CBR4: variants seen among roughly 807,000 people sequenced by gnomAD.
The protein encoded by CBR4 is carbonyl reductase 4.
Under a neutral mutation model 21.0 loss-of-function variants are expected in CBR4, and 22 were observed. The observed-to-expected ratio is 1.05, with a 90% CI of 0.75 to 1.50. CBR4 has a LOEUF of 1.50. CBR4 is among the 40% of genes most tolerant of loss of function. CBR4 has a pLI of 0.00. For synonymous variants in CBR4, 100 were observed against 104.4 expected (o/e 0.96, Z 0.26); for missense variants, 302 against 286.3 (o/e 1.05, Z -0.40).
At chr4:168,895,462 C>A (rs958737722) in intron 2 of CBR4, among the ~76,000 whole-genome samples, 1 of 152,158 alleles carries the variant, frequency 6.6e-6, no homozygotes, top group Non-Finnish European at 1.5e-5. Context: ...TGACCAGAAG[C>A]CTTACTGATA....
chr4:168,987,165 A>T (rs2126796301), downstream of CBR4, among the ~76,000 whole-genome samples: 1 of 152,346 alleles, frequency 6.6e-6, no homozygotes, highest in Non-Finnish European at 1.5e-5. Context: ...CAATTACTCA[A>T]ACTGAAAGCA....
chr4:168,968,975 G>T (rs1043625217), intron 2 of CBR4, among the ~76,000 whole-genome samples: 1 of 152,174 alleles, frequency 6.6e-6, no homozygotes, highest in African/African-American at 2.4e-5. Flanking sequence ...AGTATGTCTA[G>T]GGACACAGTG....
downstream of CBR4, among the ~76,000 whole-genome samples, chr4:168,984,911 T>C (rs1764641907): frequency 6.6e-6 from 1 of 151,980 alleles, no homozygotes; most frequent in African/African-American, 2.4e-5. Context: ...AAAAATCAAC[T>C]CAGGACGCAT....
At chr4:168,975,891 C>G (rs750686813) in intron 2 of CBR4, among the ~76,000 whole-genome samples, 1 of 152,098 alleles carries the variant, frequency 6.6e-6, no homozygotes, top group Non-Finnish European at 1.5e-5. Flanking sequence ...AGTGACAGAC[C>G]TCACCCAACT....
rs28364802 is a variant in CBR4, at chr4:168,926,511, A to AAAT, written n.170-31749_170-31747dup. On this transcript the variant is annotated intron_variant and non_coding_transcript_variant, in intron 2 of 3. Transcript: ENST00000509108. ...ATAAGAAATTAAAAAAAAAACACCA[A>AAAT]AATAATATTTTTCTTACTTGATATA... The AAAT allele has an allele frequency of 1.6e-3, 1,088 of 660,364 alleles. 10 individuals carry two copies. The highest frequency in any genetic ancestry group is 0.016 in the Admixed American group (523 of 32,098). 40.9% of individuals were successfully genotyped at this position (660,364 alleles called of 1,614,324 possible). A position where few individuals can be genotyped will look rare whatever the true frequency, so the allele number is the denominator to read the frequency against.
intron 2 of CBR4, among the ~76,000 whole-genome samples, chr4:168,899,130 C>T (rs1188510243): frequency 2.0e-5 from 3 of 152,150 alleles, no homozygotes; most frequent in Non-Finnish European, 2.9e-5. Flanking sequence ...TAAAAACTTC[C>T]AATCTTTAAT....
chr4:168,916,272 C>T (rs968331227), intron 2 of CBR4, among the ~76,000 whole-genome samples: 6 of 151,982 alleles, frequency 3.9e-5, no homozygotes, highest in South Asian at 2.1e-4. Context: ...GTTAGCCAGG[C>T]GTGGTGGCGT....
At chr4:168,993,212 CTTT>C (rs150721961) in intron 4 of CBR4, among the ~76,000 whole-genome samples, 15 of 139,336 alleles carry the variant, frequency 1.1e-4, no homozygotes, top group East Asian at 2.1e-4. Context: ...ATGTATTTTC[CTTT>C]TTTTTTTTTT....
chr4:168,959,066 T>G (rs1040113788), intron 2 of CBR4, among the ~76,000 whole-genome samples: 1 of 152,170 alleles, frequency 6.6e-6, no homozygotes, highest in Non-Finnish European at 1.5e-5. Flanking sequence ...TTTACCATTT[T>G]TTTTCTGTAT....
chr4:169,006,713 G>C, intron 3 of CBR4, 42 bp downstream of exon 3: 1 of 1,533,850 alleles, frequency 6.5e-7, no homozygotes, highest in Non-Finnish European at 9.0e-7. Context: ...TTATGGTATG[G>C]TATTATGGGA....
chr4:168,903,743 G>C lies in CBR4; in HGVS notation n.170-8978C>G. The C allele has an allele frequency of 1.9e-6, 3 of 1,603,558 alleles. No individual in the cohort carries two copies. The highest frequency in any genetic ancestry group is 1.7e-6 in the Non-Finnish European group (2 of 1,170,788). ...CACAAACTCCTAATCTTTAATCTTT[G>C]TTTCTATTCACAGATCTATTGGTTT... On this transcript the variant is annotated intron_variant and non_coding_transcript_variant, in intron 2 of 3. Transcript: ENST00000509108.
intron 2 of CBR4, among the ~76,000 whole-genome samples, chr4:168,936,856 C>G (rs1291977502): frequency 3.3e-5 from 5 of 152,172 alleles, no homozygotes; most frequent in African/African-American, 7.2e-5. Context: ...AGTTGGAAAA[C>G]ACTCTTCAGG....
At chr4:168,986,191 G>A (rs1764686913), downstream of CBR4, among the ~76,000 whole-genome samples, 1 of 152,156 alleles carries the variant, frequency 6.6e-6, no homozygotes, top group Non-Finnish European at 1.5e-5. Flanking sequence ...GTAATCTAGA[G>A]ATGATGTAAA....
At chr4:168,965,625 A>G (rs2126739428) in intron 2 of CBR4, among the ~76,000 whole-genome samples, 1 of 152,360 alleles carries the variant, frequency 6.6e-6, no homozygotes, top group East Asian at 1.9e-4. Context: ...ATCTTTGACA[A>G]ACCTGACAAA....
At chr4:168,950,872 T>C (rs1460192784) in intron 2 of CBR4, among the ~76,000 whole-genome samples, 1 of 152,192 alleles carries the variant, frequency 6.6e-6, no homozygotes, top group Non-Finnish European at 1.5e-5. Context: ...CTGCTGTTGC[T>C]TTAAAGTTCA....
chr4:168,943,124 C>T (rs528601749), intron 2 of CBR4, among the ~76,000 whole-genome samples: 8 of 152,234 alleles, frequency 5.3e-5, no homozygotes, highest in Non-Finnish European at 8.8e-5. Flanking sequence ...GGACATTTAT[C>T]CAAAAGAAAG....
intron 2 of CBR4, among the ~76,000 whole-genome samples, chr4:168,958,173 A>G (rs1763743425): frequency 1.3e-5 from 2 of 152,096 alleles, no homozygotes. Flanking sequence ...CTGAGACAGG[A>G]GAATTGCTTG....
chr4:168,935,294 G>C (rs1244080128), intron 2 of CBR4, among the ~76,000 whole-genome samples: 1 of 152,144 alleles, frequency 6.6e-6, no homozygotes, highest in Non-Finnish European at 1.5e-5. Flanking sequence ...CCAGATGCCT[G>C]TGCCACCAAG....
At chr4:168,994,157 T>C (rs755233196) in intron 4 of CBR4, among the ~76,000 whole-genome samples, 4 of 152,158 alleles carry the variant, frequency 2.6e-5, no homozygotes, top group Admixed American at 2.6e-4. Context: ...ATTCTTTCTA[T>C]AGATGATAGA....
Sources: gnomAD v4.1 joint callset for allele counts (sites outside exome capture counted in the v4.1 genomes callset) on GRCh38, gnomAD v4.1.1 for gene constraint, MANE v1.5 for transcripts, NCBI Gene and HGNC (gene_info 2026-07-23, HGNC 2026-07-21) for gene names.